ARPP21: variants seen among roughly 807,000 people sequenced by gnomAD.
The protein encoded by ARPP21 is cAMP regulated phosphoprotein 21.
ARPP21 carries 69 observed loss-of-function variants against 113.2 expected under a neutral mutation model. The observed-to-expected ratio is 0.61, with a 90% CI of 0.50 to 0.74. The LOEUF is 0.74. ARPP21 is among the 30% of genes least tolerant of loss of function. The pLI is 0.00. For synonymous variants in ARPP21, 368 were observed against 375.5 expected, an observed-to-expected ratio of 0.98 and a Z score of 0.23; for missense variants, 1,070 against 1,037.4, an observed-to-expected ratio of 1.03 and a Z score of -0.43.
rs140780259 is a variant in ARPP21, at chr3:35,792,490, A to G, written c.2246A>G (p.Gln749Arg). 3 of 1,614,012 alleles carry G rather than the reference A, an allele frequency of 1.9e-6. No homozygotes were observed. Among genetic ancestry groups the G allele is most frequent in the Non-Finnish European group, 1.7e-6 (2 of 1,179,982 alleles). The change falls in exon 20 of 21, where the codon CAA becomes CGA. Residue 749 changes from glutamine to arginine, a missense_variant. Coordinates refer to ENST00000684406, the MANE Select transcript of ARPP21 (RefSeq NM_001385562.1). ...VINNQQGTPV[Q>R]SVMVSYPTMS... is the part of the protein sequence containing the mutation. The stretch of plus-strand genomic sequence containing the variant: ...AATAACCAACAAGGAACTCCGGTGC[A>G]AAGCGTGATGGTTTCCTACCCAACA...
In ARPP21 at chr3:35,746,507, T is replaced by A. The variant is rs559480288; in HGVS notation, c.2137+2542T>A. On this transcript the variant is annotated intron_variant, in intron 19 of 20. Coordinates refer to ENST00000684406, the MANE Select transcript of ARPP21 (RefSeq NM_001385562.1). ...CTAGAAAATAAGACTTCTCCATCTTTAAGTCAAACTATGGGCTACTATCAG... is the reference window on the plus strand; with the variant it reads ...CTAGAAAATAAGACTTCTCCATCTTAAAGTCAAACTATGGGCTACTATCAG... 6.6e-5 allele frequency among the ~76,000 whole-genome samples: 10 copies of A among 152,324 alleles called. No individual in the cohort carries two copies. The South Asian group carries it at 1.4e-3, about 22-fold the overall frequency.
chr3:35,680,985 T>C (rs1326396126), intron 2 of ARPP21: 1 of 151,900 alleles, frequency 6.6e-6, no homozygotes, highest in Non-Finnish European at 1.5e-5. Flanking sequence ...TAGACTATTG[T>C]GAGCCTGGAG....
At chr3:35,739,696 T>C in intron 18 of ARPP21, 119 bp downstream of exon 18, 2 of 1,316,528 alleles carry the variant, frequency 1.5e-6, no homozygotes, top group Non-Finnish European at 2.1e-6. Flanking sequence ...TCTATATTAA[T>C]ATTCCTCACC....
chr3:35,721,290 A>G (rs1407654800), intron 13 of ARPP21, among the ~76,000 whole-genome samples: 1 of 152,134 alleles, frequency 6.6e-6, no homozygotes, highest in Admixed American at 6.5e-5. Flanking sequence ...CCCCTATTCT[A>G]TTTGCAAGAG....
At chr3:35,733,572 A>G (rs915779864) in intron 15 of ARPP21, among the ~76,000 whole-genome samples, 1 of 152,210 alleles carries the variant, frequency 6.6e-6, no homozygotes, top group African/African-American at 2.4e-5. Flanking sequence ...GGCAGCTGTC[A>G]TTCAAACTAA....
At chr3:35,715,257 G>A in intron 11 of ARPP21, 182 bp from the exon 12 acceptor site, 5 of 573,022 alleles carry the variant, frequency 8.7e-6, no homozygotes, top group Non-Finnish European at 1.6e-5. Flanking sequence ...TATGCTGCAT[G>A]AGAATTGTTT....
At chr3:35,686,251 C>T (rs2080524012) in intron 5 of ARPP21, among the ~76,000 whole-genome samples, 1 of 151,652 alleles carries the variant, frequency 6.6e-6, no homozygotes, top group African/African-American at 2.4e-5. Flanking sequence ...GAAGCAAATC[C>T]TATCCCTAGA....
intron 18 of ARPP21, among the ~76,000 whole-genome samples, chr3:35,743,308 A>T (rs984574494): frequency 6.6e-6 from 1 of 152,160 alleles, no homozygotes; most frequent in Non-Finnish European, 1.5e-5. Flanking sequence ...AAAAACACAA[A>T]AGTCTTGTTT....
chr3:35,778,615 CT>C (rs2096447130), intron 19 of ARPP21, among the ~76,000 whole-genome samples: 1 of 152,150 alleles, frequency 6.6e-6, no homozygotes, highest in Admixed American at 6.5e-5. Flanking sequence ...TACCTACTCC[CT>C]TTGTTAAAAC....
chr3:35,715,948 T>A (rs777766830), intron 12 of ARPP21, among the ~76,000 whole-genome samples: 1 of 152,136 alleles, frequency 6.6e-6, no homozygotes, highest in Non-Finnish European at 1.5e-5. Flanking sequence ...CTAAACAATC[T>A]ATTTTTCTTC....
chr3:35,691,855 G>A (rs2082336179), intron 9 of ARPP21, among the ~76,000 whole-genome samples: 3 of 151,466 alleles, frequency 2.0e-5, no homozygotes, highest in Admixed American at 2.0e-4. Context: ...CAATGTGCTT[G>A]GTAAACCGTA....
chr3:35,780,956 C>A (rs1486704402), intron 19 of ARPP21, among the ~76,000 whole-genome samples: 1 of 152,004 alleles, frequency 6.6e-6, no homozygotes, highest in East Asian at 1.9e-4. Context: ...GAGATGGCAG[C>A]CTGCAGACCT....
chr3:35,749,126 GT>G (rs1386256615), intron 19 of ARPP21, among the ~76,000 whole-genome samples: 1 of 152,160 alleles, frequency 6.6e-6, no homozygotes. Flanking sequence ...ATAGAGGCAG[GT>G]AATATTTAGT....
intron 1 of ARPP21, chr3:35,642,206 C>T (rs1169478206): frequency 1.3e-5 from 2 of 152,156 alleles, no homozygotes; most frequent in African/African-American, 2.4e-5. Context: ...CAGTGACTTT[C>T]CCTCTTAGAT....
intron 14 of ARPP21, among the ~76,000 whole-genome samples, chr3:35,724,113 T>C (rs1272175002): frequency 6.6e-6 from 1 of 152,226 alleles, no homozygotes; most frequent in Non-Finnish European, 1.5e-5. Flanking sequence ...TAGCTTTAAA[T>C]AGATAATAAT....
intron 19 of ARPP21, chr3:35,744,373 TAGA>T: frequency 7.1e-6 from 3 of 423,712 alleles, no homozygotes; most frequent in South Asian, 5.3e-5. Context: ...ATACTGCCTT[TAGA>T]AGAAGGCTAT....
rs550462348 is a variant in ARPP21 at position 35,695,671 on chromosome 3, G to C, written c.686+4666G>C. On this transcript the variant is annotated intron_variant, in intron 9 of 20. Coordinates refer to ENST00000684406, the MANE Select transcript of ARPP21 (RefSeq NM_001385562.1). ...ATGGTTCAAATAGGCATTTAGGAAG[G>C]CTTTGAGAAAGGGTAAGACTTAAAC... Among the ~76,000 whole-genome samples the C allele has an allele frequency of 2.6e-5, 4 of 151,604 alleles. No individual in the cohort carries two copies. The South Asian group carries it at 8.3e-4, about 31-fold the overall frequency.
At chr3:35,781,168 G>A (rs577104144) in intron 19 of ARPP21, among the ~76,000 whole-genome samples, 1 of 152,268 alleles carries the variant, frequency 6.6e-6, no homozygotes, top group East Asian at 1.9e-4. Flanking sequence ...AGCCTCAAGG[G>A]AACTTCAAGA....
At chr3:35,766,174 T>A (rs1455485) in intron 19 of ARPP21, among the ~76,000 whole-genome samples, 1 of 152,182 alleles carries the variant, frequency 6.6e-6, no homozygotes, top group Non-Finnish European at 1.5e-5. Flanking sequence ...ACTAGAGTCA[T>A]GTTTTTATTC....
Sources: allele counts gnomAD v4.1 joint callset (sites outside exome capture counted in the v4.1 genomes callset), GRCh38; gene constraint gnomAD v4.1.1; transcripts MANE v1.5; gene names NCBI Gene and HGNC (gene_info 2026-07-23, HGNC 2026-07-21).